IP6K1: variants seen among roughly 807,000 people sequenced by gnomAD.
IP6K1 encodes the protein ATP:1D-myo-inositol-hexakisphosphate phosphotransferase.
IP6K1 carries 13 observed loss-of-function variants against 38.3 expected under a neutral mutation model. The ratio of observed to expected loss-of-function variants is 0.34; its 90% CI spans 0.22 to 0.54. IP6K1 has a LOEUF of 0.54. Ranked by LOEUF, IP6K1 falls within the 20% of genes least tolerant of loss-of-function variation. The pLI is 0.92. For missense variants in IP6K1, 397 were observed against 599.8 expected (o/e 0.66, Z 3.53); for synonymous variants, 212 against 229.9 (o/e 0.92, Z 0.70).
At chr3:49,731,842 C>T (rs1355761049) in intron 4 of IP6K1, among the ~76,000 whole-genome samples, 5 of 131,824 alleles carry the variant, frequency 3.8e-5, no homozygotes, top group African/African-American at 5.5e-5. Flanking sequence ...GAGCCGAGAT[C>T]GCACCGCTGC....
intron 1 of IP6K1, among the ~76,000 whole-genome samples, chr3:49,752,833 A>G (rs1317099531): frequency 6.7e-6 from 1 of 149,758 alleles, no homozygotes; most frequent in Non-Finnish European, 1.5e-5. Flanking sequence ...GGCTTACTGC[A>G]ACCTCCACCT....
chr3:49,757,826 T>G (rs1027060232), intron 1 of IP6K1, among the ~76,000 whole-genome samples: 2 of 152,232 alleles, frequency 1.3e-5, no homozygotes, highest in Non-Finnish European at 2.9e-5. Context: ...ACTGGTTTTA[T>G]ACATGGAGTT....
intron 2 of IP6K1, among the ~76,000 whole-genome samples, chr3:49,743,821 T>G (rs1466512490): frequency 1.3e-5 from 2 of 151,640 alleles, no homozygotes; most frequent in Non-Finnish European, 2.9e-5. Flanking sequence ...GGTTTCACCA[T>G]GTTGGCGAGG....
intron 1 of IP6K1, among the ~76,000 whole-genome samples, chr3:49,774,160 C>A (rs2080985024): frequency 6.6e-6 from 1 of 152,134 alleles, no homozygotes; most frequent in South Asian, 2.1e-4. Flanking sequence ...AATCCCAGCA[C>A]TTTGGGAGGC....
chr3:49,746,846 A>AAT, intron 2 of IP6K1, among the ~76,000 whole-genome samples: 1 of 152,186 alleles, frequency 6.6e-6, no homozygotes, highest in Non-Finnish European at 1.5e-5. Context: ...TATCTACAAT[A>AAT]GGCAAATCTG....
chr3:49,759,056 T>C (rs775287832), intron 1 of IP6K1, among the ~76,000 whole-genome samples: 2 of 145,236 alleles, frequency 1.4e-5, no homozygotes, highest in African/African-American at 2.5e-5. Flanking sequence ...GCAAATAGTT[T>C]ATCTTGATAA....
In IP6K1 at chr3:49,774,424, A is replaced by G. The variant is rs907293689; in HGVS notation, c.-129+11930T>C. Among the ~76,000 whole-genome samples the G allele has an allele frequency of 1.1e-4, 16 of 150,660 alleles. No individual in the cohort carries two copies. In the East Asian group the frequency reaches 2.3e-3, roughly 22 times the overall value. On this transcript the variant is annotated intron_variant, in intron 1 of 5. Transcript: ENST00000321599. ...CTCCATCTCAAAAAAAAAAAAAAAA[A>G]AAAAAGAAAAAAAAAATTTAAGTAC...
At chr3:49,729,501 G>A in intron 4 of IP6K1, among the ~76,000 whole-genome samples, 1 of 150,046 alleles carries the variant, frequency 6.7e-6, no homozygotes, top group East Asian at 2.0e-4. Flanking sequence ...TCCGCCTCCT[G>A]GTATCAAGTG....
chr3:49,759,773 T>C (rs2080853240), intron 1 of IP6K1, among the ~76,000 whole-genome samples: 1 of 152,152 alleles, frequency 6.6e-6, no homozygotes, highest in Non-Finnish European at 1.5e-5. Flanking sequence ...GTGAAGTAAA[T>C]ACGTGAAGAA....
chr3:49,765,873 T>C (rs1458540006), intron 1 of IP6K1, among the ~76,000 whole-genome samples: 1 of 149,634 alleles, frequency 6.7e-6, no homozygotes, highest in East Asian at 2.0e-4. Flanking sequence ...CGAAACCCCA[T>C]ATCTAAAAAA....
intron 1 of IP6K1, among the ~76,000 whole-genome samples, chr3:49,752,544 T>A (rs1395241532): frequency 6.6e-6 from 1 of 151,256 alleles, no homozygotes; most frequent in East Asian, 2.0e-4. Flanking sequence ...TGTGTGTGTG[T>A]GAGTTTCGCT....
At chr3:49,747,701 T>C (rs1559707130) in intron 2 of IP6K1, 117 bp downstream of exon 2, 2 of 1,356,050 alleles carry the variant, frequency 1.5e-6, no homozygotes, top group Non-Finnish European at 2.0e-6. Context: ...AGTGACTTCG[T>C]GCTTTGAGAA....
In IP6K1 at chr3:49,736,060, G is replaced by A. The variant is rs547734117; in HGVS notation, c.434+2152C>T. Among the ~76,000 whole-genome samples, 3 of 152,158 alleles carry A rather than the reference G, an allele frequency of 2.0e-5. No individual in the cohort carries two copies. In the South Asian group the frequency reaches 6.2e-4, roughly 32 times the overall value. On this transcript the variant is annotated intron_variant, in intron 3 of 5. Transcript: ENST00000321599. ...GCCTCCCAAGTAGCTGGGATTACAG[G>A]CCCGCACCACCACACCTGGCTAATT...
intron 4 of IP6K1, among the ~76,000 whole-genome samples, chr3:49,732,281 T>A (rs2080568985): frequency 6.6e-6 from 1 of 152,108 alleles, no homozygotes; most frequent in South Asian, 2.1e-4. Context: ...GATAAAAATC[T>A]CACCAAAGTC....
chr3:49,728,184 T>C lies in IP6K1; in HGVS notation c.711A>G (p.Ser237=). 1 of 1,614,172 alleles carries C rather than the reference T, an allele frequency of 6.2e-7. No individual in the cohort carries two copies. Among genetic ancestry groups the C allele is most frequent in the Non-Finnish European group, 8.5e-7 (1 of 1,180,050 alleles). Residue 237 remains serine (S), a synonymous_variant, in exon 5 of 6, where the codon TCA becomes TCG. Transcript: ENST00000321599. ...GCATCTGCCGGGCTGCCTTCTCAGC[T>C]GACGCGTCATCGCCATGCTGCCGCG... The part of the protein sequence containing the change: ...MGTRQHGDDA[S]AEKAARQMRK...
At chr3:49,747,300 G>A (rs2080728927) in intron 2 of IP6K1, among the ~76,000 whole-genome samples, 1 of 152,000 alleles carries the variant, frequency 6.6e-6, no homozygotes, top group South Asian at 2.1e-4. Context: ...ATATTCATGA[G>A]GTTCTTTTCT....
chr3:49,767,041 G>A (rs1225448690), intron 1 of IP6K1, among the ~76,000 whole-genome samples: 4 of 150,214 alleles, frequency 2.7e-5, no homozygotes, highest in Non-Finnish European at 5.9e-5. Flanking sequence ...ATGGCAGGAG[G>A]ATTGCTTAAG....
intron 1 of IP6K1, among the ~76,000 whole-genome samples, chr3:49,749,080 G>A (rs1050364785): frequency 2.6e-5 from 4 of 152,188 alleles, no homozygotes; most frequent in African/African-American, 7.2e-5. Flanking sequence ...CAGAGCTCCG[G>A]CGGTAATGCA....
At chr3:49,781,286 C>A (rs1339243876) in intron 1 of IP6K1, among the ~76,000 whole-genome samples, 1 of 152,192 alleles carries the variant, frequency 6.6e-6, no homozygotes, top group Non-Finnish European at 1.5e-5. Flanking sequence ...TGGTCTCGAA[C>A]TCCTGACCTC....
Sources: allele counts gnomAD v4.1 joint callset (sites outside exome capture counted in the v4.1 genomes callset), GRCh38; gene constraint gnomAD v4.1.1; transcripts MANE v1.5; gene names NCBI Gene and HGNC (gene_info 2026-07-23, HGNC 2026-07-21).